The following HPS1 variants were observed in gnomAD, a reference collection of about 807,000 sequenced individuals.
HPS1 encodes BLOC-3 complex member HPS1.
A neutral mutation model predicts 90.6 loss-of-function variants in HPS1; 59 were observed. The observed-to-expected ratio is 0.65, with a 90% confidence interval of 0.53 to 0.81. The LOEUF is 0.81. HPS1 is among the 30% of genes least tolerant of loss of function. The probability of loss-of-function intolerance (pLI) is 0.00; values close to 1 mark genes in which losing one functional copy is unlikely to be tolerated. For synonymous variants in HPS1, 388 were observed against 384.4 expected (o/e 1.01, Z -0.11); for missense variants, 849 against 896.7 (o/e 0.95, Z 0.68).
chr10:98,421,979 G>GACACACAC (rs200573934), intron 17 of HPS1, among the ~76,000 whole-genome samples: 2,579 of 139,988 alleles, frequency 0.018, 36 homozygotes, highest in African/African-American at 0.033. Context: ...CACACACACA[G>GACACACAC]ACACACACAC....
In HPS1 at chr10:98,417,517, G is replaced by C. The variant is rs1844249080; in HGVS notation, c.*47C>G. Reference sequence around the variant, plus strand: ...CGTCATGGGGAACAGTGGCAAGCAAGGGTGGCTGGAGGACAGGATGCAAAG... The same window carrying C: ...CGTCATGGGGAACAGTGGCAAGCAACGGTGGCTGGAGGACAGGATGCAAAG... On this transcript the variant is annotated 3_prime_UTR_variant, in exon 20 of 20. Transcript: ENST00000361490. This position sits in a 1 kb window ranked among gnomAD's most constrained non-coding sequence, Gnocchi z 4.2. 1 of 1,541,940 alleles carries C rather than the reference G, an allele frequency of 6.5e-7. No individual in the cohort carries two copies. The highest frequency in any genetic ancestry group is 8.9e-7 in the Non-Finnish European group (1 of 1,127,658).
At chr10:98,418,521 G>A (rs1844420105) in intron 18 of HPS1, among the ~76,000 whole-genome samples, 2 of 152,202 alleles carry the variant, frequency 1.3e-5, no homozygotes, top group Non-Finnish European at 2.9e-5. Flanking sequence ...ACAAACACAC[G>A]CTCAGGAGGG....
chr10:98,435,002 T>C lies in HPS1; in HGVS notation c.398+270A>G, dbSNP rs1370074072. The stretch of plus-strand genomic sequence containing the variant: ...GGAAAGAGCACTGGACTGAGAGTCC[T>C]GAGCTCAAATATCCAGTTTGGATGT... On this transcript the variant is annotated intron_variant, in intron 5 of 19. Coordinates refer to ENST00000361490, the MANE Select transcript of HPS1 (RefSeq NM_000195.5). This position sits in a 1 kb window ranked among gnomAD's most constrained non-coding sequence, Gnocchi z 4.3. 3 of 497,190 alleles carry C rather than the reference T, an allele frequency of 6.0e-6. No homozygotes were observed. The Admixed American group carries it at 9.8e-5, about 16-fold the overall frequency. The allele number at this position is 497,190 out of a possible 1,614,324, so 30.8% of individuals were successfully genotyped here. A position where few individuals can be genotyped will look rare whatever the true frequency, so the allele number is the denominator to read the frequency against.
At chr10:98,433,942 G>T in intron 6 of HPS1, 41 bp downstream of exon 6, 1 of 1,549,576 alleles carries the variant, frequency 6.5e-7, no homozygotes, top group South Asian at 1.2e-5. Context: ...CCTCTGACCT[G>T]ACAGCTTCAA....
intron 6 of HPS1, among the ~76,000 whole-genome samples, chr10:98,433,168 G>A (rs1192948485): frequency 6.6e-6 from 1 of 150,470 alleles, no homozygotes; most frequent in East Asian, 1.9e-4. Context: ...GGAAGCAGAG[G>A]TCACAGTGAG....
In HPS1 at chr10:98,443,107, G is replaced by A; in HGVS notation, c.117+17C>T. ...CTTCCTATCCACCCCTCCTGGGACTGCCTACCCTGCACTCACCTCTTCTTC... is the reference window on the plus strand; with the variant it reads ...CTTCCTATCCACCCCTCCTGGGACTACCTACCCTGCACTCACCTCTTCTTC... On this transcript the variant is annotated intron_variant, in intron 3 of 19. Transcript: ENST00000361490. The A allele has an allele frequency of 1.3e-6, 2 of 1,549,888 alleles. No individual in the cohort carries two copies. The highest frequency in any genetic ancestry group is 1.8e-6 in the Non-Finnish European group (2 of 1,121,454).
intron 13 of HPS1, 83 bp from the exon 14 acceptor site, chr10:98,424,457 C>A: frequency 1.6e-6 from 2 of 1,230,014 alleles, no homozygotes. Flanking sequence ...AGATCAGGCT[C>A]TGAGAGGGCA....
At position 98,423,680 on chromosome 10, in the gene HPS1, A is replaced by G. The variant is rs762469330; in HGVS notation, c.1533-12T>C. On this transcript the variant is annotated splice_polypyrimidine_tract_variant and intron_variant, in intron 15 of 19. Coordinates refer to ENST00000361490, the MANE Select transcript of HPS1 (RefSeq NM_000195.5). Reference sequence around the variant, plus strand: ...CCGTCAGCTTCTCCCTGCCGAGGGAAGCTCGGGCTGCGTGAAGGAAGTACG... The same window carrying G: ...CCGTCAGCTTCTCCCTGCCGAGGGAGGCTCGGGCTGCGTGAAGGAAGTACG... 3.7e-6 allele frequency: 6 copies of G among 1,614,054 alleles called. No homozygotes were observed. The highest frequency in any genetic ancestry group is 5.1e-6 in the Non-Finnish European group (6 of 1,179,978).
chr10:98,414,812 G>A (rs1843935013), downstream of HPS1: 5 of 714,572 alleles, frequency 7.0e-6, no homozygotes, highest in Non-Finnish European at 1.1e-5. Flanking sequence ...AGCAGAGCCA[G>A]CACCGGAATC....
chr10:98,422,348 G>T, intron 17 of HPS1, 21 bp downstream of exon 17: 3 of 942,870 alleles, frequency 3.2e-6, no homozygotes, highest in East Asian at 3.3e-5. Context: ...ACCCATCCCC[G>T]CCCTGGGTCC....
chr10:98,418,108 G>T, intron 19 of HPS1, 67 bp downstream of exon 19: 1 of 1,049,756 alleles, frequency 9.5e-7, no homozygotes, highest in African/African-American at 1.6e-5. Context: ...AGCTGCTCCC[G>T]GCAGAGGCGA....
intron 16 of HPS1, 84 bp downstream of exon 16, chr10:98,423,518 GC>G: frequency 2.4e-6 from 3 of 1,252,638 alleles, no homozygotes; most frequent in Non-Finnish European, 3.5e-6. Flanking sequence ...CTTCCCTGGG[GC>G]CCATAGTCCC....
chr10:98,435,461 C>T lies in HPS1; in HGVS notation c.256-47G>A, dbSNP rs745977220. ...TGTCAGCCAGCCCCAAGGGCACTCCCTTCACCTGCCCTGGTCTCTGCAGAC... is the reference window on the plus strand; with the variant it reads ...TGTCAGCCAGCCCCAAGGGCACTCCTTTCACCTGCCCTGGTCTCTGCAGAC... On this transcript the variant is annotated intron_variant, in intron 4 of 19. Transcript: ENST00000361490. This position sits in a 1 kb window ranked among gnomAD's most constrained non-coding sequence, Gnocchi z 4.3. The T allele has an allele frequency of 1.2e-6, 2 of 1,613,422 alleles. No homozygotes were observed. Among genetic ancestry groups the T allele is most frequent in the East Asian group, 2.2e-5 (1 of 44,888 alleles).
rs1195269689 is a variant in HPS1, at chr10:98,432,086, TAAAG to T, written c.508-799_508-796del. 2.6e-5 allele frequency among the ~76,000 whole-genome samples: 4 copies of T among 152,356 alleles called. No homozygotes were observed. The East Asian group carries it at 7.7e-4, about 29-fold the overall frequency. On this transcript the variant is annotated intron_variant, in intron 6 of 19. Transcript: ENST00000361490. ...CTAAATATAGAGTTTTCCTGAAACT[TAAAG>T]AAGTTTCATGTGACTAGCACTCAGT...
chr10:98,414,987 C>T (rs1233107833), downstream of HPS1: 1 of 1,610,938 alleles, frequency 6.2e-7, no homozygotes, highest in Non-Finnish European at 8.5e-7. Context: ...CAGCTCTGGC[C>T]CGGCCTGCTT....
At chr10:98,418,107 C>A in intron 19 of HPS1, 68 bp downstream of exon 19, 1 of 1,051,800 alleles carries the variant, frequency 9.5e-7, no homozygotes, top group South Asian at 1.4e-5. Flanking sequence ...AAGCTGCTCC[C>A]GGCAGAGGCG....
At chr10:98,430,738 G>T in intron 7 of HPS1, 68 bp from the exon 8 acceptor site, 1 of 1,315,454 alleles carries the variant, frequency 7.6e-7, no homozygotes, top group Non-Finnish European at 1.1e-6. Context: ...GCAGGTTAAA[G>T]GAGTGTGGAG....
chr10:98,443,436 G>T (rs1938820233), intron 2 of HPS1, among the ~76,000 whole-genome samples, 196 bp from the exon 3 acceptor site: 1 of 152,210 alleles, frequency 6.6e-6, no homozygotes, highest in Non-Finnish European at 1.5e-5. Flanking sequence ...CCCCATTTTA[G>T]AGAGCAGGAC....
rs777593730 is a variant in HPS1, at chr10:98,429,813, G to T, written c.845C>A (p.Thr282Asn). The T allele has an allele frequency of 3.1e-6, 5 of 1,613,800 alleles. No individual in the cohort carries two copies. The highest frequency in any genetic ancestry group is 3.4e-6 in the Non-Finnish European group (4 of 1,180,008). ...CACCGTCTCTGCAGAGCTCCCCCCA[G>T]TTGGGCCCGTGGAGTGAGGGCTCCA... ...QAWSPHSTGP[T>N]GGSSAETETD... is the part of the protein sequence containing the mutation. The change falls in exon 9 of 20, where the codon ACT becomes AAT. Residue 282 changes from threonine (T) to asparagine (N), a missense_variant. Thr to Asn is a moderately conservative substitution (Grantham distance 65). Transcript: ENST00000361490.
Sources: gnomAD v4.1 joint callset for allele counts (sites outside exome capture counted in the v4.1 genomes callset) on GRCh38, gnomAD v4.1.1 for gene constraint, Gnocchi (gnomAD v3.1) non-coding constraint, MANE v1.5 for transcripts, NCBI Gene and HGNC (gene_info 2026-07-23, HGNC 2026-07-21) for gene names.